The following SLURP2 variants were observed in gnomAD, a reference collection of about 807,000 sequenced individuals.
The protein encoded by SLURP2 is secreted Ly-6/uPAR domain-containing protein 2.
In SLURP2, 4 loss-of-function variants were observed where a neutral mutation model predicts 9.8. That is an observed-to-expected ratio of 0.41 (90% CI 0.20 to 0.94). The LOEUF (loss-of-function observed/expected upper bound fraction) is 0.94. Among genes scored for constraint, SLURP2 ranks in the 40% least tolerant of loss-of-function variants. The pLI is 0.32. For missense variants in SLURP2, 118 were observed against 126.4 expected (o/e 0.93, Z 0.32); for synonymous variants, 58 against 56.2 (o/e 1.03, Z -0.15).
chr8:142,764,480 C>T lies in SLURP2; in HGVS notation c.*125G>A, dbSNP rs587633254. ...CTTCCCTAGGACAAGCGGTGCTGGACGGTGGCTGCAGAGGCCGGGAGAGGT... is the reference window on the plus strand; with the variant it reads ...CTTCCCTAGGACAAGCGGTGCTGGATGGTGGCTGCAGAGGCCGGGAGAGGT... On this transcript the variant is annotated 3_prime_UTR_variant, in exon 3 of 3. Transcript: ENST00000317543. 41 of 986,534 alleles carry T rather than the reference C, an allele frequency of 4.2e-5. No individual in the cohort carries two copies. The African/African-American group carries it at 5.2e-4, about 12-fold the overall frequency. 61.1% of individuals were successfully genotyped at this position (986,534 alleles called of 1,614,324 possible).
Position 142,765,596 on chromosome 8 carries a change from C to T in SLURP2, c.53-456G>A, listed in dbSNP as rs587749156. Among the ~76,000 whole-genome samples, 50 of 152,218 alleles carry T rather than the reference C, an allele frequency of 3.3e-4. 1 individual carries two copies. The highest frequency in any genetic ancestry group is 5.9e-4 in the Admixed American group (9 of 15,304). The stretch of plus-strand genomic sequence containing the variant: ...ATTCTGGTGGCTGCGATGATGGGGC[C>T]GTTCCTGCCTCCACAGGGAGCCCAG... On this transcript the variant is annotated intron_variant, in intron 1 of 2. Transcript: ENST00000317543.
At position 142,768,315 on chromosome 8, in the gene SLURP2, C is replaced by T. The variant is rs1314386065; in HGVS notation, c.52+1440G>A. Among the ~76,000 whole-genome samples the T allele has an allele frequency of 6.6e-6, 1 of 151,988 alleles. No homozygotes were observed. Among genetic ancestry groups the T allele is most frequent in the Admixed American group, 6.6e-5 (1 of 15,262 alleles). On this transcript the variant is annotated intron_variant, in intron 1 of 2. Coordinates refer to ENST00000317543, the MANE Select transcript of SLURP2 (RefSeq NM_177458.3). This position sits in a 1 kb window ranked among gnomAD's most constrained non-coding sequence, Gnocchi z 4.8. ...TGTAGCTGCATGGCTGGGGGCAGGT[C>T]TCTCCCACTGGGGACCCCCGTGCTG...
rs915774427 is a variant in SLURP2, at chr8:142,769,666, G to A, written c.52+89C>T. 2.5e-6 allele frequency: 3 copies of A among 1,204,952 alleles called. No individual in the cohort carries two copies. The African/African-American group carries it at 4.5e-5, about 18-fold the overall frequency. 74.6% of individuals were successfully genotyped at this position (1,204,952 alleles called of 1,614,324 possible). ...GACAGGAATGGGTTCTCCCGAGGTGGGCAGTCACAGCCCAGGGCTGGAGGG... is the reference window on the plus strand; with the variant it reads ...GACAGGAATGGGTTCTCCCGAGGTGAGCAGTCACAGCCCAGGGCTGGAGGG... On this transcript the variant is annotated intron_variant, in intron 1 of 2. Coordinates refer to ENST00000317543, the MANE Select transcript of SLURP2 (RefSeq NM_177458.3).
At chr8:142,765,689 G>A (rs587751773) in intron 1 of SLURP2, among the ~76,000 whole-genome samples, 2 of 152,280 alleles carry the variant, frequency 1.3e-5, no homozygotes, top group African/African-American at 2.4e-5. Context: ...GGCCGGGCGC[G>A]GTGGCTCACG....
intron 1 of SLURP2, among the ~76,000 whole-genome samples, chr8:142,767,125 C>A (rs889770045): frequency 6.6e-6 from 1 of 152,232 alleles, no homozygotes; most frequent in African/African-American, 2.4e-5. Flanking sequence ...GCCCCTGCCA[C>A]GGGCCAGAGT....
intron 1 of SLURP2, among the ~76,000 whole-genome samples, chr8:142,767,899 T>TG (rs1214061436): frequency 1.5e-4 from 18 of 117,112 alleles, no homozygotes; most frequent in South Asian, 5.8e-4. Context: ...AATGAATGAA[T>TG]AAATGAATGA....
At chr8:142,766,722 C>T (rs1286138423) in intron 1 of SLURP2, among the ~76,000 whole-genome samples, 2 of 152,236 alleles carry the variant, frequency 1.3e-5, no homozygotes, top group African/African-American at 4.8e-5. Flanking sequence ...AACTCCCTCC[C>T]TCCCTGTCCT....
rs1191755007 is a variant in SLURP2 at position 142,765,084 on chromosome 8, C to G, written c.109G>C (p.Gly37Arg). The G allele has an allele frequency of 2.7e-5, 44 of 1,612,804 alleles. No homozygotes were observed. The highest frequency in any genetic ancestry group is 3.6e-5 in the Non-Finnish European group (43 of 1,179,882). The change falls in exon 2 of 3, where the codon GGA becomes CGA. Residue 37 changes from glycine (G) to arginine (R), a missense_variant. Gly to Arg is a moderately radical substitution (Grantham distance 125). Transcript: ENST00000317543. Reference sequence around the variant, plus strand: ...GTGGAGTCCCTCAGGCATCTGGATCCATGGGAGCACCCTCCGAAGCCCGTG... The same window carrying G: ...GTGGAGTCCCTCAGGCATCTGGATCGATGGGAGCACCCTCCGAAGCCCGTG... ...QCTGFGGCSHGSRCLRDSTHC... is the reference protein window; with the variant it reads ...QCTGFGGCSHRSRCLRDSTHC...
At position 142,768,955 on chromosome 8, in the gene SLURP2, T is replaced by C. The variant is rs1815087601; in HGVS notation, c.52+800A>G. Among the ~76,000 whole-genome samples the C allele has an allele frequency of 6.6e-6, 1 of 152,024 alleles. No homozygotes were observed. The highest frequency in any genetic ancestry group is 1.5e-5 in the Non-Finnish European group (1 of 67,976). On this transcript the variant is annotated intron_variant, in intron 1 of 2. Transcript: ENST00000317543. This position sits in a 1 kb window ranked among gnomAD's most constrained non-coding sequence, Gnocchi z 4.8. ...GCCAGGGACGCAGAGGCTTGGCCCC[T>C]GGGGGGCTGGGCTGCTTGGGCTTGG...
In SLURP2 at chr8:142,768,121, G is replaced by A. The variant is rs937563846; in HGVS notation, c.52+1634C>T. On this transcript the variant is annotated intron_variant, in intron 1 of 2. Coordinates refer to ENST00000317543, the MANE Select transcript of SLURP2 (RefSeq NM_177458.3). This position sits in a 1 kb window ranked among gnomAD's most constrained non-coding sequence, Gnocchi z 4.8. ...GTGTTCAGACTGGCGCCTGACACAC[G>A]GGAGGGAGGGGAGATCAGGGGGAGA... is the stretch of plus-strand genomic sequence containing the variant. 3.3e-5 allele frequency among the ~76,000 whole-genome samples: 5 copies of A among 151,172 alleles called. No homozygotes were observed. Among genetic ancestry groups the A allele is most frequent in the Non-Finnish European group, 7.4e-5 (5 of 67,850 alleles).
chr8:142,765,074 C>T lies in SLURP2; in HGVS notation c.119G>A (p.Cys40Tyr), dbSNP rs1207034204. Residue 40 changes from cysteine to tyrosine, a missense_variant, in exon 2 of 3, where the codon TGC (cysteine) becomes TAC (tyrosine). Transcript: ENST00000317543. ...GFGGCSHGSR[C>Y]LRDSTHCVTT... is the part of the protein sequence containing the mutation. ...GACACAGTGGGTGGAGTCCCTCAGG[C>T]ATCTGGATCCATGGGAGCACCCTCC... 3 of 1,612,872 alleles carry T rather than the reference C, an allele frequency of 1.9e-6. No individual in the cohort carries two copies. Among genetic ancestry groups the T allele is most frequent in the Non-Finnish European group, 1.7e-6 (2 of 1,179,822 alleles).
rs1169163810 is a variant in SLURP2, at chr8:142,764,365, A to G, written c.*240T>C. On this transcript the variant is annotated 3_prime_UTR_variant, in exon 3 of 3. Transcript: ENST00000317543. ...GTACCACACGATCCAATCACATTTT[A>G]TTGTGGGGAGGTCGGGACCTGAAGG... 9.4e-6 allele frequency: 6 copies of G among 640,472 alleles called. No homozygotes were observed. The Admixed American group carries it at 1.6e-4, about 17-fold the overall frequency. 39.7% of individuals were successfully genotyped at this position (640,472 alleles called of 1,614,324 possible). A position where few individuals can be genotyped will look rare whatever the true frequency, so the allele number is the denominator to read the frequency against.
intron 2 of SLURP2, 129 bp downstream of exon 2, chr8:142,764,907 C>T: frequency 9.1e-7 from 1 of 1,101,908 alleles, no homozygotes; most frequent in Non-Finnish European, 1.3e-6. Context: ...CCCTGGGCAT[C>T]ACTGGCGGAC....
chr8:142,768,931 C>G lies in SLURP2; in HGVS notation c.52+824G>C, dbSNP rs184533745. On this transcript the variant is annotated intron_variant, in intron 1 of 2. Coordinates refer to ENST00000317543, the MANE Select transcript of SLURP2 (RefSeq NM_177458.3). The surrounding 1 kb of genome is among the most constrained non-coding windows in gnomAD (Gnocchi z 4.8). ...GCTGCCCAGGTCGTTCAACCCACAG[C>G]CAGGGACGCAGAGGCTTGGCCCCTG... is the stretch of plus-strand genomic sequence containing the variant. 6.4e-4 allele frequency among the ~76,000 whole-genome samples: 98 copies of G among 152,314 alleles called. No individual in the cohort carries two copies. The highest frequency in any genetic ancestry group is 2.0e-3 in the African/African-American group (82 of 41,578).
chr8:142,767,796 A>C (rs1201509726), intron 1 of SLURP2, among the ~76,000 whole-genome samples: 6 of 151,824 alleles, frequency 4.0e-5, no homozygotes, highest in Non-Finnish European at 5.9e-5. Context: ...ACCCCCACCC[A>C]AGCATGAGGG....
At chr8:142,764,956 C>T in intron 2 of SLURP2, 80 bp downstream of exon 2, 8 of 1,298,280 alleles carry the variant, frequency 6.2e-6, no homozygotes, top group Middle Eastern at 1.8e-4. Context: ...GTGCCTGGAT[C>T]TGGCTCTGTC....
At chr8:142,769,218 G>A (rs1280425647) in intron 1 of SLURP2, among the ~76,000 whole-genome samples, 3 of 151,080 alleles carry the variant, frequency 2.0e-5, no homozygotes, top group Non-Finnish European at 4.4e-5. Flanking sequence ...TGCGGGGGTC[G>A]AGGGTTGGGG....
chr8:142,764,458 C>T lies in SLURP2; in HGVS notation c.*147G>A, dbSNP rs1814927591. ...TGAGGCAAGACTCCACGCAGGACTT[C>T]CCTAGGACAAGCGGTGCTGGACGGT... On this transcript the variant is annotated 3_prime_UTR_variant, in exon 3 of 3. Coordinates refer to ENST00000317543, the MANE Select transcript of SLURP2 (RefSeq NM_177458.3). 2.3e-6 allele frequency: 2 copies of T among 877,746 alleles called. No homozygotes were observed. The highest frequency in any genetic ancestry group is 1.8e-6 in the Non-Finnish European group (1 of 545,460). 54.4% of individuals were successfully genotyped at this position (877,746 alleles called of 1,614,324 possible). A position where few individuals can be genotyped will look rare whatever the true frequency, so the allele number is the denominator to read the frequency against.
At chr8:142,766,126 C>T (rs1370970496) in intron 1 of SLURP2, 1 of 151,518 alleles carries the variant, frequency 6.6e-6, no homozygotes, top group African/African-American at 2.4e-5. Context: ...CTTCTCTCTC[C>T]TCCTTTCCCA....
Sources: allele counts gnomAD v4.1 joint callset (sites outside exome capture counted in the v4.1 genomes callset), GRCh38; gene constraint gnomAD v4.1.1; non-coding constraint Gnocchi (gnomAD v3.1); transcripts MANE v1.5; gene names NCBI Gene and HGNC (gene_info 2026-07-23, HGNC 2026-07-21).